The following FCHSD2 variants were observed in gnomAD, a reference collection of about 807,000 sequenced individuals.
FCHSD2 encodes the protein FCH and double SH3 domains 2.
Under a neutral mutation model 108.1 loss-of-function variants are expected in FCHSD2, and 38 were observed. The ratio of observed to expected loss-of-function variants is 0.35; its 90% CI spans 0.27 to 0.46. FCHSD2 has a LOEUF of 0.46. Ranked by LOEUF, FCHSD2 falls within the 20% of genes least tolerant of loss-of-function variation. The pLI is 1.00. For synonymous variants in FCHSD2, 279 were observed against 314.7 expected, an observed-to-expected ratio of 0.89 and a Z score of 1.20; for missense variants, 751 against 897.8, an observed-to-expected ratio of 0.84 and a Z score of 2.09.
chr11:72,969,152 C>T (rs1267234791), intron 8 of FCHSD2, among the ~76,000 whole-genome samples: 1 of 152,164 alleles, frequency 6.6e-6, no homozygotes, highest in Non-Finnish European at 1.5e-5. Flanking sequence ...TAAGTTAATA[C>T]TTGAACTGTC....
chr11:72,894,387 A>T (rs1178952186), intron 10 of FCHSD2, among the ~76,000 whole-genome samples: 1 of 152,092 alleles, frequency 6.6e-6, no homozygotes, highest in Non-Finnish European at 1.5e-5. Flanking sequence ...TCTTAAAAAA[A>T]ATTAGCACAT....
intron 2 of FCHSD2, among the ~76,000 whole-genome samples, chr11:73,103,699 GTAC>G (rs970705797): frequency 1.3e-5 from 2 of 152,020 alleles, no homozygotes; most frequent in Non-Finnish European, 2.9e-5. Flanking sequence ...GAAAAAATAT[GTAC>G]TTTCAAGAAA....
chr11:72,900,066 T>C (rs1294337220), intron 10 of FCHSD2, among the ~76,000 whole-genome samples: 4 of 152,124 alleles, frequency 2.6e-5, no homozygotes, highest in Non-Finnish European at 5.9e-5. Context: ...AGATGAAAAA[T>C]GAGTAGCTCA....
At chr11:73,003,684 C>T (rs1248668161) in intron 4 of FCHSD2, among the ~76,000 whole-genome samples, 4 of 151,364 alleles carry the variant, frequency 2.6e-5, no homozygotes, top group Non-Finnish European at 4.4e-5. Flanking sequence ...GACGGGGTTT[C>T]ACCGTTTTAG....
chr11:72,990,684 G>T (rs1281235365), intron 5 of FCHSD2, among the ~76,000 whole-genome samples: 1 of 152,198 alleles, frequency 6.6e-6, no homozygotes, highest in Non-Finnish European at 1.5e-5. Context: ...CAACATACCA[G>T]AATCTCTGGG....
chr11:72,934,794 C>G (rs1045940023), intron 8 of FCHSD2, among the ~76,000 whole-genome samples: 1 of 152,046 alleles, frequency 6.6e-6, no homozygotes, highest in African/African-American at 2.4e-5. Context: ...TCCAAATATA[C>G]TTAAAAAAAT....
At chr11:72,978,489 G>A (rs1386846041) in intron 8 of FCHSD2, among the ~76,000 whole-genome samples, 1 of 152,106 alleles carries the variant, frequency 6.6e-6, no homozygotes, top group Non-Finnish European at 1.5e-5. Flanking sequence ...TGTCATCCCA[G>A]GTCAAATGAC....
At chr11:72,921,668 C>A (rs770015960) in intron 9 of FCHSD2, among the ~76,000 whole-genome samples, 160 bp downstream of exon 9, 3 of 152,226 alleles carry the variant, frequency 2.0e-5, no homozygotes, top group African/African-American at 4.8e-5. Flanking sequence ...ACAAGGAGAA[C>A]AGAATCTCCT....
At chr11:73,108,245 T>C (rs1330720590) in intron 2 of FCHSD2, among the ~76,000 whole-genome samples, 1 of 152,262 alleles carries the variant, frequency 6.6e-6, no homozygotes, top group Non-Finnish European at 1.5e-5. Flanking sequence ...CATTTCTTAA[T>C]CAGATTATTA....
chr11:72,854,778 AGAG>A (rs1861379158), intron 13 of FCHSD2, among the ~76,000 whole-genome samples: 1 of 152,230 alleles, frequency 6.6e-6, no homozygotes, highest in Non-Finnish European at 1.5e-5. Flanking sequence ...GGTGATTGTC[AGAG>A]GCTGCATGAT....
intron 8 of FCHSD2, among the ~76,000 whole-genome samples, chr11:72,941,400 A>C (rs1856415788): frequency 6.6e-6 from 1 of 151,034 alleles, no homozygotes; most frequent in Non-Finnish European, 1.5e-5. Flanking sequence ...AATTTATATA[A>C]TTTTTATATT....
intron 2 of FCHSD2, among the ~76,000 whole-genome samples, chr11:73,115,119 C>G (rs1198764658): frequency 6.6e-6 from 1 of 152,202 alleles, no homozygotes; most frequent in Admixed American, 6.5e-5. Flanking sequence ...TGGGAGATTC[C>G]CCTCTGACTA....
chr11:73,112,672 G>A (rs988985517), intron 2 of FCHSD2, among the ~76,000 whole-genome samples: 6 of 152,072 alleles, frequency 3.9e-5, no homozygotes, highest in South Asian at 4.2e-4. Flanking sequence ...TTGTTGAGAC[G>A]GTGTCTCGCT....
chr11:72,922,040 A>T, intron 8 of FCHSD2, 90 bp from the exon 9 acceptor site: 1 of 831,586 alleles, frequency 1.2e-6, no homozygotes, highest in South Asian at 1.8e-5. Flanking sequence ...AGGTATGTTC[A>T]GTTTAAAATT....
chr11:72,888,350 A>G (rs1218964796), intron 11 of FCHSD2, among the ~76,000 whole-genome samples: 1 of 152,246 alleles, frequency 6.6e-6, no homozygotes, highest in Admixed American at 6.5e-5. Context: ...CTTGGAAGCT[A>G]GCAACACAGA....
chr11:72,949,839 G>C (rs946545224), intron 8 of FCHSD2, among the ~76,000 whole-genome samples: 3 of 152,152 alleles, frequency 2.0e-5, no homozygotes, highest in African/African-American at 7.2e-5. Context: ...ACAAACATTT[G>C]TGTACACAAC....
At chr11:73,105,184 G>A (rs1860313313) in intron 2 of FCHSD2, among the ~76,000 whole-genome samples, 1 of 152,160 alleles carries the variant, frequency 6.6e-6, no homozygotes, top group African/African-American at 2.4e-5. Flanking sequence ...AAGTAGCTCT[G>A]GTTAGGTGGG....
chr11:73,042,735 T>A (rs1227282138), intron 3 of FCHSD2, among the ~76,000 whole-genome samples: 5 of 152,174 alleles, frequency 3.3e-5, no homozygotes, highest in Non-Finnish European at 7.3e-5. Flanking sequence ...ATTTTTTTCA[T>A]CAGTGTTTTG....
chr11:72,931,464 C>G (rs919428756), intron 8 of FCHSD2, among the ~76,000 whole-genome samples: 1 of 149,810 alleles, frequency 6.7e-6, no homozygotes, highest in Non-Finnish European at 1.5e-5. Flanking sequence ...AAAATAATTT[C>G]TAAGTTTTAA....
Sources: gnomAD v4.1 joint callset for allele counts (sites outside exome capture counted in the v4.1 genomes callset) on GRCh38, gnomAD v4.1.1 for gene constraint, MANE v1.5 for transcripts, NCBI Gene and HGNC (gene_info 2026-07-23, HGNC 2026-07-21) for gene names.